ERBB4: variants seen among roughly 807,000 people sequenced by gnomAD.
The protein encoded by ERBB4 is receptor tyrosine-protein kinase erbB-4.
Under a neutral mutation model 158.0 loss-of-function variants are expected in ERBB4, and 42 were observed. The observed-to-expected ratio is 0.27, with a 90% confidence interval of 0.21 to 0.34. ERBB4 has a LOEUF of 0.34. Ranked by LOEUF, ERBB4 falls within the 10% of genes least tolerant of loss-of-function variation. The probability of loss-of-function intolerance (pLI) is 1.00; values close to 1 mark genes in which losing one functional copy is unlikely to be tolerated. For missense variants in ERBB4, 1,333 were observed against 1,624.1 expected (o/e 0.82, Z 3.08); for synonymous variants, 583 against 558.7 (o/e 1.04, Z -0.61).
intron 16 of ERBB4, among the ~76,000 whole-genome samples, chr2:211,633,353 T>C (rs2070219048): frequency 6.6e-6 from 1 of 151,980 alleles, no homozygotes; most frequent in Non-Finnish European, 1.5e-5. Context: ...AAAATACATA[T>C]TCATATATGT....
chr2:212,055,606 C>A (rs368827165), intron 2 of ERBB4, among the ~76,000 whole-genome samples: 169 of 152,338 alleles, frequency 1.1e-3, no homozygotes, highest in South Asian at 2.1e-3. Context: ...CAGGCAGCAA[C>A]GTTTGCTGTT....
chr2:211,971,474 G>A lies in ERBB4; in HGVS notation c.235-23858C>T, dbSNP rs1249585565. Among the ~76,000 whole-genome samples, 5 of 152,038 alleles carry A rather than the reference G, an allele frequency of 3.3e-5. No individual in the cohort carries two copies. The East Asian group carries it at 9.6e-4, about 29-fold the overall frequency. ...GGATTCACAGCTGAATTCTACTAGAGGTATAAAGAAGAGCTGGTACCATTC... is the reference window on the plus strand; with the variant it reads ...GGATTCACAGCTGAATTCTACTAGAAGTATAAAGAAGAGCTGGTACCATTC... On this transcript the variant is annotated intron_variant, in intron 2 of 27. Coordinates refer to ENST00000342788, the MANE Select transcript of ERBB4 (RefSeq NM_005235.3).
At chr2:212,058,024 G>C (rs2077635125) in intron 2 of ERBB4, among the ~76,000 whole-genome samples, 1 of 152,106 alleles carries the variant, frequency 6.6e-6, no homozygotes, top group Non-Finnish European at 1.5e-5. Context: ...CAACAAAATT[G>C]ATAGACTACT....
intron 20 of ERBB4, among the ~76,000 whole-genome samples, chr2:211,491,745 G>C (rs1244239142): frequency 6.6e-6 from 1 of 152,006 alleles, no homozygotes; most frequent in Non-Finnish European, 1.5e-5. Flanking sequence ...AATAAATCAT[G>C]AATGAGATCA....
intron 19 of ERBB4, among the ~76,000 whole-genome samples, chr2:211,573,151 A>G (rs1403590376): frequency 6.6e-6 from 1 of 152,202 alleles, no homozygotes; most frequent in African/African-American, 2.4e-5. Flanking sequence ...ACACAGGCAC[A>G]AAGAGGAAAA....
chr2:212,230,580 T>C (rs895052535), intron 1 of ERBB4, among the ~76,000 whole-genome samples: 5 of 152,220 alleles, frequency 3.3e-5, no homozygotes, highest in Non-Finnish European at 7.3e-5. Context: ...ACAGAAAATA[T>C]GTACCACACA....
At chr2:211,612,335 C>T (rs575843522) in intron 19 of ERBB4, among the ~76,000 whole-genome samples, 23 of 151,968 alleles carry the variant, frequency 1.5e-4, no homozygotes, top group Non-Finnish European at 2.8e-4. Context: ...AGTCAGCAGA[C>T]ATATTTGCTG....
intron 2 of ERBB4, among the ~76,000 whole-genome samples, chr2:212,088,138 G>C (rs1057339938): frequency 3.3e-5 from 5 of 152,060 alleles, no homozygotes; most frequent in African/African-American, 9.7e-5. Context: ...AGGCTATCAA[G>C]GAGACTAAAC....
chr2:212,195,041 A>G (rs1262439769), intron 1 of ERBB4, among the ~76,000 whole-genome samples: 1 of 152,052 alleles, frequency 6.6e-6, no homozygotes, highest in Non-Finnish European at 1.5e-5. Context: ...TGAGAAGCTG[A>G]AAAACCACAA....
At chr2:211,424,074 G>T in intron 23 of ERBB4, 81 bp downstream of exon 23, 8 of 1,366,716 alleles carry the variant, frequency 5.9e-6, no homozygotes, top group Non-Finnish European at 7.3e-6. Context: ...TCAATACAGA[G>T]AAATGTTGTA....
chr2:212,030,728 T>C (rs1363008922), intron 2 of ERBB4, among the ~76,000 whole-genome samples: 2 of 152,128 alleles, frequency 1.3e-5, no homozygotes, highest in Non-Finnish European at 2.9e-5. Context: ...GGGGTAATAA[T>C]CCACCAAGTT....
intron 2 of ERBB4, among the ~76,000 whole-genome samples, chr2:212,039,800 TCTC>T (rs1267142584): frequency 1.1e-4 from 16 of 151,726 alleles, no homozygotes; most frequent in African/African-American, 3.9e-4. Flanking sequence ...CTGTGCTTCT[TCTC>T]CTAGAGAGAT....
chr2:211,761,888 T>C (rs904782839), intron 4 of ERBB4, among the ~76,000 whole-genome samples: 1 of 152,236 alleles, frequency 6.6e-6, no homozygotes, highest in Non-Finnish European at 1.5e-5. Context: ...AAACCCCAGC[T>C]ATTAAATCAT....
At chr2:211,464,861 G>T (rs1447493162) in intron 20 of ERBB4, among the ~76,000 whole-genome samples, 5 of 151,854 alleles carry the variant, frequency 3.3e-5, no homozygotes, top group African/African-American at 4.8e-5. Flanking sequence ...TTAGAACTTA[G>T]CCAGGAGACT....
chr2:211,550,841 G>C (rs997168621), intron 20 of ERBB4, among the ~76,000 whole-genome samples: 2 of 150,702 alleles, frequency 1.3e-5, no homozygotes, highest in Admixed American at 6.6e-5. Context: ...CATGGCTGTA[G>C]ATAATTTTCC....
At chr2:211,529,358 T>C (rs9636334) in intron 20 of ERBB4, among the ~76,000 whole-genome samples, 51,032 of 151,484 alleles carry the variant, frequency 0.34, 9,776 homozygotes, top group East Asian at 0.62. Flanking sequence ...TCGATCATAA[T>C]AAAAAGACTT....
intron 2 of ERBB4, among the ~76,000 whole-genome samples, chr2:212,095,575 A>G (rs1391816283): frequency 2.0e-5 from 3 of 152,242 alleles, no homozygotes; most frequent in Non-Finnish European, 4.4e-5. Flanking sequence ...TCGATTGCTA[A>G]TGAAGTTTAA....
chr2:212,126,480 A>T (rs968456458), intron 1 of ERBB4, among the ~76,000 whole-genome samples: 1 of 151,788 alleles, frequency 6.6e-6, no homozygotes, highest in Admixed American at 6.6e-5. Context: ...AAAAAAAAAA[A>T]AAAAATTGTG....
chr2:212,262,576 A>G (rs1367751620), intron 1 of ERBB4, among the ~76,000 whole-genome samples: 11 of 152,154 alleles, frequency 7.2e-5, no homozygotes, highest in Non-Finnish European at 1.3e-4. Context: ...CTCCCTTCCA[A>G]TGCTTTGAAT....
Sources: allele counts gnomAD v4.1 joint callset (sites outside exome capture counted in the v4.1 genomes callset), GRCh38; gene constraint gnomAD v4.1.1; transcripts MANE v1.5; gene names NCBI Gene and HGNC (gene_info 2026-07-23, HGNC 2026-07-21).